The following HIVEP2 variants were observed in gnomAD, a reference collection of about 807,000 sequenced individuals.
The protein encoded by HIVEP2 is transcription factor HIVEP2.
In HIVEP2, 14 loss-of-function variants were observed where a neutral mutation model predicts 180.7. That is an observed-to-expected ratio of 0.08 (90% confidence interval 0.05 to 0.12). The LOEUF is 0.12. Ranked by LOEUF, HIVEP2 falls within the 10% of genes least tolerant of loss-of-function variation. The probability of loss-of-function intolerance (pLI) is 1.00; values close to 1 mark genes in which losing one functional copy is unlikely to be tolerated. For synonymous variants in HIVEP2, 1,184 were observed against 1,136.4 expected (o/e 1.04, Z -0.84); for missense variants, 2,579 against 3,008.5 (o/e 0.86, Z 3.34).
chr6:142,849,081 T>C (rs1266062356), intron 1 of HIVEP2, among the ~76,000 whole-genome samples: 1 of 152,222 alleles, frequency 6.6e-6, no homozygotes, highest in African/African-American at 2.4e-5. Context: ...TGTTAACCTA[T>C]TCAACAATCA....
intron 2 of HIVEP2, among the ~76,000 whole-genome samples, chr6:142,834,552 G>C (rs1445664388): frequency 6.6e-6 from 1 of 151,942 alleles, no homozygotes; most frequent in African/African-American, 2.4e-5. Context: ...GTGTTTAAAA[G>C]CCCAGACTCC....
At chr6:142,806,407 C>T (rs1016580303) in intron 2 of HIVEP2, among the ~76,000 whole-genome samples, 4 of 152,120 alleles carry the variant, frequency 2.6e-5, no homozygotes, top group African/African-American at 9.7e-5. Flanking sequence ...TTTCACTTTA[C>T]TCTAAAAAAC....
chr6:142,873,435 C>T (rs1049464561), intron 1 of HIVEP2, among the ~76,000 whole-genome samples: 1 of 152,160 alleles, frequency 6.6e-6, no homozygotes, highest in Non-Finnish European at 1.5e-5. Flanking sequence ...AACACCAATA[C>T]TATTGACTAG....
intron 2 of HIVEP2, chr6:142,793,843 T>C (rs1486765129): frequency 6.6e-6 from 1 of 151,854 alleles, no homozygotes; most frequent in Non-Finnish European, 1.5e-5. Flanking sequence ...ATTTTTGCAT[T>C]TTTTGTAGCG....
intron 1 of HIVEP2, among the ~76,000 whole-genome samples, chr6:142,885,180 C>T (rs1468548142): frequency 1.3e-5 from 2 of 152,138 alleles, no homozygotes; most frequent in African/African-American, 4.8e-5. Context: ...TTACTCTGCG[C>T]AGCCCATGGC....
At chr6:142,808,901 T>A (rs927692732) in intron 2 of HIVEP2, among the ~76,000 whole-genome samples, 1 of 152,132 alleles carries the variant, frequency 6.6e-6, no homozygotes, top group Non-Finnish European at 1.5e-5. Context: ...AGTACATATT[T>A]GTTCCTATTT....
At chr6:142,899,145 T>C (rs1297691278) in intron 1 of HIVEP2, among the ~76,000 whole-genome samples, 5 of 152,134 alleles carry the variant, frequency 3.3e-5, no homozygotes. Context: ...ACTCTACTCC[T>C]CCTCCCACTT....
chr6:142,897,818 G>A (rs1777037299), intron 1 of HIVEP2, among the ~76,000 whole-genome samples: 2 of 152,110 alleles, frequency 1.3e-5, no homozygotes, highest in African/African-American at 4.8e-5. Flanking sequence ...TTTAAAATCT[G>A]GATATACTGA....
At chr6:142,800,348 T>A (rs1262398808) in intron 2 of HIVEP2, among the ~76,000 whole-genome samples, 2 of 152,114 alleles carry the variant, frequency 1.3e-5, no homozygotes, top group Non-Finnish European at 2.9e-5. Flanking sequence ...AGAATTCAAG[T>A]TTAATATGGT....
chr6:142,926,245 T>C (rs1777807084), intron 1 of HIVEP2, among the ~76,000 whole-genome samples: 1 of 152,238 alleles, frequency 6.6e-6, no homozygotes, highest in Non-Finnish European at 1.5e-5. Context: ...AATTTCAGTA[T>C]AATAAATCCA....
intron 1 of HIVEP2, among the ~76,000 whole-genome samples, chr6:142,858,690 C>T (rs1408448764): frequency 6.6e-6 from 1 of 152,100 alleles, no homozygotes; most frequent in Non-Finnish European, 1.5e-5. Context: ...TTCCCAGGTT[C>T]AAGCAATTCT....
At chr6:142,799,737 T>C (rs1184234065) in intron 2 of HIVEP2, among the ~76,000 whole-genome samples, 5 of 152,130 alleles carry the variant, frequency 3.3e-5, no homozygotes, top group African/African-American at 1.2e-4. Flanking sequence ...TTCAAGGTGG[T>C]AGAATAGCAA....
chr6:142,926,216 C>G (rs1777806027), intron 1 of HIVEP2, among the ~76,000 whole-genome samples: 1 of 152,152 alleles, frequency 6.6e-6, no homozygotes, highest in Non-Finnish European at 1.5e-5. Flanking sequence ...ATTATAAAAA[C>G]AGTAAAAGTC....
At chr6:142,790,964 C>A (rs557781654) in intron 2 of HIVEP2, among the ~76,000 whole-genome samples, 1 of 152,122 alleles carries the variant, frequency 6.6e-6, no homozygotes, top group Non-Finnish European at 1.5e-5. Flanking sequence ...ATAAAAATCT[C>A]TCAAAAAGAA....
chr6:142,796,156 C>T (rs1776274391), intron 2 of HIVEP2, among the ~76,000 whole-genome samples: 1 of 152,128 alleles, frequency 6.6e-6, no homozygotes, highest in South Asian at 2.1e-4. Context: ...ATGTTAATGT[C>T]TAGGCCCTAA....
At chr6:142,849,509 A>C (rs572546831) in intron 1 of HIVEP2, among the ~76,000 whole-genome samples, 3 of 129,714 alleles carry the variant, frequency 2.3e-5, no homozygotes, top group East Asian at 4.7e-4. Context: ...GTGATTCTTT[A>C]TTTATTTATT....
chr6:142,856,529 A>T (rs1043808549), intron 1 of HIVEP2, among the ~76,000 whole-genome samples: 1 of 152,228 alleles, frequency 6.6e-6, no homozygotes, highest in African/African-American at 2.4e-5. Context: ...TCAGCTGGAG[A>T]GGGGGCCTTG....
Position 142,773,220 on chromosome 6 carries a change from T to C in HIVEP2, c.1519A>G (p.Ile507Val), listed in dbSNP as rs1205860925. Residue 507 changes from isoleucine (I) to valine (V), a missense_variant, in exon 5 of 10, where the codon ATT becomes GTT. Around this residue, in one of 11 missense-constraint regions of HIVEP2, gnomAD observed 524 missense variants for 563.6 expected, o/e 0.93. Coordinates refer to ENST00000367603, the MANE Select transcript of HIVEP2 (RefSeq NM_006734.4). ...KFNSESRQPQIIPSSIRNEGK... is the reference protein window; with the variant it reads ...KFNSESRQPQVIPSSIRNEGK... ...TCGTTCCTGATAGATGATGGAATAA[T>C]CTGGGGTTGTCTGGACTCACTGTTG... is the stretch of plus-strand genomic sequence containing the variant. The C allele has an allele frequency of 1.2e-6, 2 of 1,614,102 alleles. No homozygotes were observed. Among genetic ancestry groups the C allele is most frequent in the Non-Finnish European group, 1.7e-6 (2 of 1,180,044 alleles).
rs1292231693 is a variant in HIVEP2, at chr6:142,774,614, T to A, written c.125A>T (p.His42Leu). 5.0e-6 allele frequency: 8 copies of A among 1,614,250 alleles called. No homozygotes were observed. The highest frequency in any genetic ancestry group is 2.2e-5 in the East Asian group (1 of 44,882). Residue 42 changes from histidine (H) to leucine (L), a missense_variant, in exon 5 of 10, where the codon CAT becomes CTT. Coordinates refer to ENST00000367603, the MANE Select transcript of HIVEP2 (RefSeq NM_006734.4). The surrounding 1 kb of genome is among the most constrained non-coding windows in gnomAD (Gnocchi z 5.1). ...TATTTGTGGTTGCCGCTGTCCTTCA[T>A]GACTGCCAAAAGTGCTCATCTTAAT... ...AVIKMSTFGSHEGQRQPQIEP... is the reference protein window; with the variant it reads ...AVIKMSTFGSLEGQRQPQIEP...
Sources: gnomAD v4.1 joint callset for allele counts (sites outside exome capture counted in the v4.1 genomes callset) on GRCh38, gnomAD v4.1.1 for gene constraint, gnomAD v4.1.1 regional missense constraint, Gnocchi (gnomAD v3.1) non-coding constraint, MANE v1.5 for transcripts, NCBI Gene and HGNC (gene_info 2026-07-23, HGNC 2026-07-21) for gene names.